The following TBC1D19 variants were observed in gnomAD, a reference collection of about 807,000 sequenced individuals.
TBC1D19 encodes TBC1 domain family member 19, also known as TBC1 domain family, member 19.
TBC1D19 carries 60 observed loss-of-function variants against 89.0 expected under a neutral mutation model. The observed-to-expected ratio is 0.67, with a 90% CI of 0.55 to 0.84. The LOEUF is 0.84. Ranked by LOEUF, TBC1D19 falls within the 40% of genes least tolerant of loss-of-function variation. The pLI is 0.00. For synonymous variants in TBC1D19, 189 were observed against 199.7 expected, an observed-to-expected ratio of 0.95 and a Z score of 0.45; for missense variants, 500 against 610.8, an observed-to-expected ratio of 0.82 and a Z score of 1.91.
intron 1 of TBC1D19, among the ~76,000 whole-genome samples, chr4:26,594,599 A>G (rs1165604838): frequency 5.3e-5 from 8 of 152,186 alleles, no homozygotes; most frequent in Admixed American, 5.2e-4. Context: ...GAAAAGTAAG[A>G]AATGATGTAA....
At chr4:26,839,781 C>A in the TBC1D19 span, among the ~76,000 whole-genome samples, 1 of 152,210 alleles carries the variant, frequency 6.6e-6, no homozygotes, top group Non-Finnish European at 1.5e-5. Context: ...TCCTGGTTGA[C>A]CTTCTGCGGC....
the TBC1D19 span, among the ~76,000 whole-genome samples, chr4:26,764,124 G>C: frequency 6.6e-6 from 1 of 152,158 alleles, no homozygotes; most frequent in African/African-American, 2.4e-5. Context: ...TAAATGAAAT[G>C]TACTTCTTTT....
In TBC1D19 at chr4:26,670,135, T is replaced by C. The variant is rs189481080; in HGVS notation, c.665-2014T>C. 1.3e-4 allele frequency among the ~76,000 whole-genome samples: 19 copies of C among 151,668 alleles called. No individual in the cohort carries two copies. In the Middle Eastern group the frequency reaches 0.017, roughly 136 times the overall value. ...AGTGTTCACTGAAGCATTGTCTGCT[T>C]TGGTCACTAAGTCTCAGAAATCATA... On this transcript the variant is annotated intron_variant, in intron 9 of 20. Transcript: ENST00000264866.
the TBC1D19 span, among the ~76,000 whole-genome samples, chr4:26,805,972 A>G: frequency 6.6e-6 from 1 of 151,472 alleles, no homozygotes; most frequent in Non-Finnish European, 1.5e-5. Context: ...CTTGGTCTCA[A>G]AAAAAAAGGG....
At chr4:26,835,471 A>C in the TBC1D19 span, among the ~76,000 whole-genome samples, 2 of 152,210 alleles carry the variant, frequency 1.3e-5, no homozygotes, top group East Asian at 3.8e-4. Context: ...AAATGAGTAC[A>C]CTTCCAAAAG....
In TBC1D19 at chr4:26,584,238, A is replaced by G. The variant is rs896228833; in HGVS notation, c.45A>G (p.Ile15Met). 3.1e-6 allele frequency: 5 copies of G among 1,612,924 alleles called. No individual in the cohort carries two copies. In the African/African-American group the frequency reaches 5.3e-5, roughly 17 times the overall value. The change falls in exon 1 of 21, where the codon ATA (isoleucine) becomes ATG (methionine). Residue 15 changes from isoleucine (I) to methionine (M), a missense_variant. Transcript: ENST00000264866. ...ESDLSLIIAQ[I>M]VQKLKGSNLY... is the part of the protein sequence containing the mutation. ...ACCTCTCTCTCATTATTGCCCAGAT[A>G]GTCCAAAAGCTCAAGGGCTCCAATT... is the stretch of plus-strand genomic sequence containing the variant.
the TBC1D19 span, among the ~76,000 whole-genome samples, chr4:26,815,221 T>C: frequency 6.6e-6 from 1 of 152,252 alleles, no homozygotes. Context: ...GATCAACTTT[T>C]TGTGGCCAAA....
intron 8 of TBC1D19, among the ~76,000 whole-genome samples, chr4:26,662,196 C>A (rs757383372): frequency 9.2e-5 from 14 of 152,104 alleles, no homozygotes; most frequent in Non-Finnish European, 1.8e-4. Context: ...ACATGTTAAC[C>A]ATTTATTCCC....
downstream of TBC1D19, among the ~76,000 whole-genome samples, chr4:26,758,949 A>G (rs1719363387): frequency 6.6e-6 from 1 of 152,168 alleles, no homozygotes; most frequent in African/African-American, 2.4e-5. Flanking sequence ...TATATTTCAG[A>G]CCTACTGAAC....
chr4:26,631,080 C>A (rs1046529537), intron 4 of TBC1D19, among the ~76,000 whole-genome samples: 1 of 152,030 alleles, frequency 6.6e-6, no homozygotes, highest in Non-Finnish European at 1.5e-5. Flanking sequence ...GAAGTTCTTG[C>A]AAGAGATACC....
In TBC1D19 at chr4:26,687,194, A is replaced by G. The variant is rs150401005; in HGVS notation, c.892-1151A>G. Among the ~76,000 whole-genome samples, 171 of 152,294 alleles carry G rather than the reference A, an allele frequency of 1.1e-3. 1 individual carries two copies. The highest frequency in any genetic ancestry group is 3.9e-3 in the African/African-American group (161 of 41,566). On this transcript the variant is annotated intron_variant, in intron 12 of 20. Transcript: ENST00000264866. ...TCTATATTTACTTATAAATAGATGA[A>G]CACTATTATAAGTAAAAGGGCTTTT...
intron 15 of TBC1D19, among the ~76,000 whole-genome samples, chr4:26,733,962 CCTCAT>C (rs978916714): frequency 1.2e-4 from 19 of 152,126 alleles, no homozygotes; most frequent in East Asian, 1.9e-4. Flanking sequence ...TTCAAGACCA[CCTCAT>C]CTCAGGAAAA....
chr4:26,614,066 A>T (rs549527653), intron 2 of TBC1D19, among the ~76,000 whole-genome samples: 1 of 152,318 alleles, frequency 6.6e-6, no homozygotes, highest in East Asian at 1.9e-4. Flanking sequence ...CCCTTGGCAC[A>T]TTCCTTATAG....
At chr4:26,738,532 T>C (rs1718170397) in intron 16 of TBC1D19, among the ~76,000 whole-genome samples, 1 of 151,868 alleles carries the variant, frequency 6.6e-6, no homozygotes, top group Non-Finnish European at 1.5e-5. Flanking sequence ...TGGGCTGTTT[T>C]TATAAGTAGC....
intron 11 of TBC1D19, 75 bp downstream of exon 11, chr4:26,673,963 GA>G (rs1338414543): frequency 3.5e-6 from 3 of 864,920 alleles, no homozygotes; most frequent in Admixed American, 3.3e-5. Context: ...ATTCAAAATT[GA>G]AAAAACTTTT....
intron 6 of TBC1D19, among the ~76,000 whole-genome samples, chr4:26,639,193 C>A (rs1431497529): frequency 6.6e-6 from 1 of 152,072 alleles, no homozygotes; most frequent in Non-Finnish European, 1.5e-5. Context: ...AGACTACAGG[C>A]ACACACCACC....
chr4:26,799,347 A>AAAAC, the TBC1D19 span, among the ~76,000 whole-genome samples: 3 of 152,152 alleles, frequency 2.0e-5, no homozygotes, highest in East Asian at 1.9e-4. Context: ...AAAGAGGAAA[A>AAAAC]AAACAAACAA....
chr4:26,808,781 C>G, the TBC1D19 span, among the ~76,000 whole-genome samples: 1 of 151,660 alleles, frequency 6.6e-6, no homozygotes, highest in South Asian at 2.1e-4. Context: ...TAAGAGGGAC[C>G]TCTAGAAATC....
chr4:26,838,262 A>G, the TBC1D19 span, among the ~76,000 whole-genome samples: 1 of 152,192 alleles, frequency 6.6e-6, no homozygotes. Context: ...AAGCTGGCTC[A>G]CTGACTTGCA....
Sources: gnomAD v4.1 joint callset for allele counts (sites outside exome capture counted in the v4.1 genomes callset) on GRCh38, gnomAD v4.1.1 for gene constraint, MANE v1.5 for transcripts, NCBI Gene and HGNC (gene_info 2026-07-23, HGNC 2026-07-21) for gene names.